The following KLHL6 variants were observed in gnomAD, a reference collection of about 807,000 sequenced individuals.
KLHL6 encodes the protein kelch like family member 6, also known as kelch-like protein 6.
In KLHL6, 41 loss-of-function variants were observed where a neutral mutation model predicts 58.6. The observed-to-expected ratio is 0.70, with a 90% CI of 0.55 to 0.91. The LOEUF is 0.91. KLHL6 is among the 40% of genes least tolerant of loss of function. The pLI is 0.00. For synonymous variants in KLHL6, 338 were observed against 322.7 expected (o/e 1.05, Z -0.51); for missense variants, 714 against 805.6 (o/e 0.89, Z 1.38).
rs1475834048 is a variant in KLHL6, at chr3:183,489,234, A to T, written c.*2693T>A. 6.6e-6 allele frequency: 1 copy of T among 152,146 alleles called. No homozygotes were observed. The allele number at this position is 152,146 out of a possible 1,614,324, so 9.4% of individuals were successfully genotyped here. On this transcript the variant is annotated 3_prime_UTR_variant, in exon 7 of 7. Coordinates refer to ENST00000341319, the MANE Select transcript of KLHL6 (RefSeq NM_130446.4). ...CATTGTCATTGGATTTCCTCTCTGG[A>T]AGTTCCTCCCTGCAATAGTCTTTGG...
chr3:183,555,587 G>A lies in KLHL6; in HGVS notation c.67C>T (p.Pro23Ser), dbSNP rs1212831006. The change falls in exon 1 of 7, where the codon CCC (proline) becomes TCC (serine). Residue 23 changes from proline (P) to serine (S), a missense_variant. Transcript: ENST00000341319. ...GDVVEKSLEG[P>S]LAPSTDEPSQ... The stretch of plus-strand genomic sequence containing the variant: ...GGCTCATCTGTAGAAGGTGCCAGGG[G>A]CCCTTCCAAACTCTTCTCGACCACA... 1 of 1,613,870 alleles carries A rather than the reference G, an allele frequency of 6.2e-7. No homozygotes were observed. The highest frequency in any genetic ancestry group is 8.5e-7 in the Non-Finnish European group (1 of 1,179,978).
At chr3:183,534,128 C>CTTTAAAAGTACTTTACTTTTAAAGTAA (rs1712273931) in intron 1 of KLHL6, among the ~76,000 whole-genome samples, 1 of 122,034 alleles carries the variant, frequency 8.2e-6, no homozygotes. Context: ...TTTTAAAGTA[C>CTTTAAAAGTACTTTACTTTTAAAGTAA]TTTGTACTTT....
At chr3:183,514,918 C>A (rs1220853511) in intron 2 of KLHL6, among the ~76,000 whole-genome samples, 1 of 152,164 alleles carries the variant, frequency 6.6e-6, no homozygotes, top group East Asian at 1.9e-4. Flanking sequence ...GATCTGCCCA[C>A]CTCGGCCTCC....
In KLHL6 at chr3:183,541,321, A is replaced by G. The variant is rs190679389; in HGVS notation, c.294-13311T>C. 4.8e-3 allele frequency among the ~76,000 whole-genome samples: 732 copies of G among 152,334 alleles called. 4 individuals are homozygous for G. The highest frequency in any genetic ancestry group is 0.016 in the African/African-American group (674 of 41,572). On this transcript the variant is annotated intron_variant, in intron 1 of 6. Transcript: ENST00000341319. ...ATACAGAATCCAGAGGGAAAGGGAC[A>G]GAAGACAGGAGCTCCTCCAGCTGGG...
intron 2 of KLHL6, among the ~76,000 whole-genome samples, chr3:183,514,052 A>G (rs1185395327): frequency 6.6e-6 from 1 of 152,174 alleles, no homozygotes; most frequent in Non-Finnish European, 1.5e-5. Flanking sequence ...ACATGAACTC[A>G]TCCTTTTTTA....
chr3:183,534,112 C>CTTTTAAAGTACT (rs1341874808), intron 1 of KLHL6, among the ~76,000 whole-genome samples: 8 of 125,430 alleles, frequency 6.4e-5, no homozygotes, highest in African/African-American at 2.9e-4. Context: ...TTTAAAAGTA[C>CTTTTAAAGTACT]TTTACTTTTA....
chr3:183,489,090 T>G lies in KLHL6; in HGVS notation c.*2837A>C, dbSNP rs185367004. 1 of 152,318 alleles carries G rather than the reference T, an allele frequency of 6.6e-6. No homozygotes were observed. The highest frequency in any genetic ancestry group is 1.9e-4 in the East Asian group (1 of 5,192). The allele number at this position is 152,318 out of a possible 1,614,324, so 9.4% of individuals were successfully genotyped here. On this transcript the variant is annotated 3_prime_UTR_variant, in exon 7 of 7. Coordinates refer to ENST00000341319, the MANE Select transcript of KLHL6 (RefSeq NM_130446.4). ...ATCCCAAATCCTCACTTTCCCAGCATAGGGTTGACCTGCTGATGGGCTCGA... is the reference window on the plus strand; with the variant it reads ...ATCCCAAATCCTCACTTTCCCAGCAGAGGGTTGACCTGCTGATGGGCTCGA...
chr3:183,520,581 G>A (rs1396815627), intron 2 of KLHL6: 1 of 151,908 alleles, frequency 6.6e-6, no homozygotes, highest in Admixed American at 6.6e-5. Context: ...AGGACTATAG[G>A]GTAATGGTGG....
intron 2 of KLHL6, 146 bp downstream of exon 2, chr3:183,527,695 TGTGC>T: frequency 1.5e-6 from 1 of 667,210 alleles, no homozygotes; most frequent in Non-Finnish European, 2.5e-6. Context: ...CAGCTAGGGG[TGTGC>T]GTGTGTGTGT....
intron 2 of KLHL6, among the ~76,000 whole-genome samples, chr3:183,527,458 C>A (rs1451154780): frequency 1.3e-5 from 2 of 152,114 alleles, no homozygotes; most frequent in African/African-American, 4.8e-5. Flanking sequence ...TAAACACCAC[C>A]CTCGATGAAA....
intron 2 of KLHL6, among the ~76,000 whole-genome samples, chr3:183,517,001 C>T (rs549566870): frequency 4.6e-5 from 7 of 152,302 alleles, no homozygotes; most frequent in East Asian, 3.9e-4. Context: ...CTTCACCTCC[C>T]GGGTTCAAGT....
intron 1 of KLHL6, among the ~76,000 whole-genome samples, chr3:183,541,176 A>T (rs1401456824): frequency 6.6e-6 from 1 of 152,206 alleles, no homozygotes; most frequent in Non-Finnish European, 1.5e-5. Context: ...AGGCTCCTCC[A>T]GTCATAAAAG....
intron 2 of KLHL6, among the ~76,000 whole-genome samples, chr3:183,518,476 T>C (rs1711631317): frequency 6.6e-6 from 1 of 152,160 alleles, no homozygotes; most frequent in Admixed American, 6.5e-5. Context: ...TAGAACATGC[T>C]TAGTAATTTG....
In KLHL6 at chr3:183,488,067, G is replaced by A. The variant is rs891715683; in HGVS notation, c.*3860C>T. ...TAGTTTGCTTTGAGTTCAAGGGCAT[G>A]GTGTATGTGTATATGTGTGTTTCCC... is the stretch of plus-strand genomic sequence containing the variant. On this transcript the variant is annotated 3_prime_UTR_variant, in exon 7 of 7. Coordinates refer to ENST00000341319, the MANE Select transcript of KLHL6 (RefSeq NM_130446.4). 1 of 152,232 alleles carries A rather than the reference G, an allele frequency of 6.6e-6. No homozygotes were observed. The highest frequency in any genetic ancestry group is 1.5e-5 in the Non-Finnish European group (1 of 68,040). 9.4% of individuals were successfully genotyped at this position (152,232 alleles called of 1,614,324 possible).
At chr3:183,508,982 T>C (rs761206017) in intron 2 of KLHL6, among the ~76,000 whole-genome samples, 11 of 152,182 alleles carry the variant, frequency 7.2e-5, no homozygotes, top group Admixed American at 1.3e-4. Context: ...TTACAGGAAA[T>C]ACAGGGAAAG....
At chr3:183,502,816 T>G (rs1717905006) in intron 3 of KLHL6, among the ~76,000 whole-genome samples, 1 of 152,222 alleles carries the variant, frequency 6.6e-6, no homozygotes, top group Non-Finnish European at 1.5e-5. Context: ...CAGAGCCTGT[T>G]AGATAGTAAG....
At position 183,489,113 on chromosome 3, in the gene KLHL6, C is replaced by G. The variant is rs116435332; in HGVS notation, c.*2814G>C. ...CATAGGGTTGACCTGCTGATGGGCTCGAAGTTTGCCTATGGGTCTTATCAA... is the reference window on the plus strand; with the variant it reads ...CATAGGGTTGACCTGCTGATGGGCTGGAAGTTTGCCTATGGGTCTTATCAA... On this transcript the variant is annotated 3_prime_UTR_variant, in exon 7 of 7. Transcript: ENST00000341319. 2.0e-5 allele frequency: 3 copies of G among 152,130 alleles called. No individual in the cohort carries two copies. The highest frequency in any genetic ancestry group is 4.4e-5 in the Non-Finnish European group (3 of 68,022). The allele number at this position is 152,130 out of a possible 1,614,324, so 9.4% of individuals were successfully genotyped here. A position where few individuals can be genotyped will look rare whatever the true frequency, so the allele number is the denominator to read the frequency against.
Position 183,490,037 on chromosome 3 carries a change from T to C in KLHL6, c.*1890A>G, listed in dbSNP as rs1403417083. On this transcript the variant is annotated 3_prime_UTR_variant, in exon 7 of 7. Transcript: ENST00000341319. ...CGCAGTTACTATGTTGTTATCATTGTTGCTTTTTAAATACAGCATATGAAA... is the reference window on the plus strand; with the variant it reads ...CGCAGTTACTATGTTGTTATCATTGCTGCTTTTTAAATACAGCATATGAAA... The C allele has an allele frequency of 3.3e-5, 5 of 152,222 alleles. No homozygotes were observed. The highest frequency in any genetic ancestry group is 2.0e-4 in the Admixed American group (3 of 15,294). The allele number at this position is 152,222 out of a possible 1,614,324, so 9.4% of individuals were successfully genotyped here.
intron 1 of KLHL6, among the ~76,000 whole-genome samples, chr3:183,534,755 T>C (rs1712302373): frequency 6.6e-6 from 1 of 151,878 alleles, no homozygotes; most frequent in Admixed American, 6.6e-5. Flanking sequence ...TAATAACATA[T>C]CTTATTTAAC....
Sources: allele counts gnomAD v4.1 joint callset (sites outside exome capture counted in the v4.1 genomes callset), GRCh38; gene constraint gnomAD v4.1.1; transcripts MANE v1.5; gene names NCBI Gene and HGNC (gene_info 2026-07-23, HGNC 2026-07-21).